The following MICAL3 variants were observed in gnomAD, a reference collection of about 807,000 sequenced individuals.
The protein encoded by MICAL3 is microtubule associated monooxygenase, calponin and LIM domain containing 3, also known as [F-actin]-monooxygenase MICAL3.
Under a neutral mutation model 207.4 loss-of-function variants are expected in MICAL3, and 62 were observed. The observed-to-expected ratio is 0.30, with a 90% CI of 0.24 to 0.37. MICAL3 has a LOEUF of 0.37. Among genes scored for constraint, MICAL3 ranks in the 10% least tolerant of loss-of-function variants. The pLI is 1.00. For synonymous variants in MICAL3, 1,077 were observed against 1,069.3 expected, an observed-to-expected ratio of 1.01 and a Z score of -0.14; for missense variants, 2,368 against 2,635.6, an observed-to-expected ratio of 0.90 and a Z score of 2.22.
chr22:17,832,251 G>A (rs770598691), intron 20 of MICAL3, 144 bp from the exon 21 acceptor site: 261 of 1,096,932 alleles, frequency 2.4e-4, no homozygotes, highest in Middle Eastern at 1.1e-3. Context: ...AGGAGAGAGC[G>A]GCATCAGCAG....
At position 17,893,901 on chromosome 22, in the gene MICAL3, G is replaced by A. The variant is rs377540344; in HGVS notation, c.1453C>T (p.Arg485Cys). Residue 485 changes from arginine (R) to cysteine (C), a missense_variant, in exon 11 of 32, where the codon CGC (arginine) becomes TGC (cysteine). Arg to Cys is a radical substitution (Grantham distance 180). Around this residue, in one of 4 missense-constraint regions of MICAL3, gnomAD observed 147 missense variants for 137.7 expected, o/e 1.07. Coordinates refer to ENST00000441493, the MANE Select transcript of MICAL3 (RefSeq NM_015241.3). ...NVNFLRPSQV[R>C]HLYDTGETKD... ...GTTTCGCCAGTATCATATAAATGGCGCACCTGGCAGAAATTTACAAAGTCA... is the reference window on the plus strand; with the variant it reads ...GTTTCGCCAGTATCATATAAATGGCACACCTGGCAGAAATTTACAAAGTCA... The A allele has an allele frequency of 2.4e-4, 368 of 1,551,272 alleles. 2 individuals are homozygous for A. Among genetic ancestry groups the A allele is most frequent in the Admixed American group, 1.1e-3 (55 of 51,372 alleles).
At chr22:17,904,018 G>T (rs1931529162) in intron 3 of MICAL3, among the ~76,000 whole-genome samples, 2 of 152,232 alleles carry the variant, frequency 1.3e-5, no homozygotes, top group African/African-American at 4.8e-5. Context: ...TAGGATCTCA[G>T]AAAAGCAAAG....
chr22:17,791,608 C>T, intron 29 of MICAL3: 1 of 397,046 alleles, frequency 2.5e-6, no homozygotes, highest in Non-Finnish European at 4.7e-6. Flanking sequence ...ACTTACATTG[C>T]TTTCCCTCTT....
chr22:17,993,315 T>TAGGTATAC (rs1442798193), intron 1 of MICAL3, among the ~76,000 whole-genome samples: 1 of 152,088 alleles, frequency 6.6e-6, no homozygotes, highest in East Asian at 1.9e-4. Flanking sequence ...GTTTGTTACA[T>TAGGTATAC]AGGTATACAT....
At chr22:17,850,584 G>C (rs1363204264) in intron 19 of MICAL3, among the ~76,000 whole-genome samples, 1 of 151,584 alleles carries the variant, frequency 6.6e-6, no homozygotes. Context: ...GCTAATTTTT[G>C]TATTTTTAGT....
chr22:17,816,837 C>G, intron 26 of MICAL3, 53 bp from the exon 27 acceptor site: 1 of 1,318,490 alleles, frequency 7.6e-7, no homozygotes, highest in South Asian at 1.3e-5. Flanking sequence ...AGGCGCAGCC[C>G]TCTCCTGCTC....
intron 1 of MICAL3, among the ~76,000 whole-genome samples, chr22:17,971,662 A>C (rs1366107349): frequency 6.6e-6 from 1 of 152,220 alleles, no homozygotes. Context: ...CCAGAGATGG[A>C]AGGACAGTGG....
At chr22:18,000,287 C>A (rs534751164) in intron 1 of MICAL3, among the ~76,000 whole-genome samples, 2 of 151,820 alleles carry the variant, frequency 1.3e-5, no homozygotes, top group South Asian at 2.1e-4. Context: ...CACAGTTGAC[C>A]TTCATTCCTC....
At chr22:17,831,716 A>G in intron 21 of MICAL3, 138 bp downstream of exon 21, 1 of 1,384,604 alleles carries the variant, frequency 7.2e-7, no homozygotes, top group African/African-American at 1.5e-5. Context: ...CCCATGTCTT[A>G]TGTCAGGAGG....
intron 2 of MICAL3, among the ~76,000 whole-genome samples, chr22:17,905,989 A>G (rs1320870433): frequency 2.0e-5 from 3 of 152,218 alleles, no homozygotes; most frequent in African/African-American, 7.2e-5. Flanking sequence ...CGCAAACAGT[A>G]TACCTTACCA....
chr22:17,797,249 C>T (rs911567479), intron 29 of MICAL3, among the ~76,000 whole-genome samples: 7 of 152,114 alleles, frequency 4.6e-5, no homozygotes, highest in African/African-American at 1.7e-4. Flanking sequence ...CACCTGTGAT[C>T]CCAGCACTTT....
chr22:17,821,690 G>A (rs192576602), intron 24 of MICAL3, among the ~76,000 whole-genome samples, 181 bp from the exon 25 acceptor site: 5 of 152,310 alleles, frequency 3.3e-5, no homozygotes, highest in African/African-American at 9.6e-5. Flanking sequence ...CCGTCTTCCC[G>A]GGGCTGCCCG....
chr22:17,829,359 G>A (rs542748106), intron 21 of MICAL3, among the ~76,000 whole-genome samples: 2 of 152,124 alleles, frequency 1.3e-5, no homozygotes, highest in African/African-American at 4.8e-5. Flanking sequence ...AGTAGAGACA[G>A]GGTTTCTCCA....
At chr22:17,969,380 G>A (rs985058900) in intron 1 of MICAL3, among the ~76,000 whole-genome samples, 4 of 152,214 alleles carry the variant, frequency 2.6e-5, no homozygotes, top group African/African-American at 9.7e-5. Flanking sequence ...TTTCTCTAAG[G>A]GACGAGAAAG....
At chr22:17,849,393 G>C (rs561829550) in intron 19 of MICAL3, among the ~76,000 whole-genome samples, 1 of 152,192 alleles carries the variant, frequency 6.6e-6, no homozygotes. Context: ...ACAGTGCACC[G>C]GTGCAATCAT....
chr22:17,875,368 G>A (rs1928181709), intron 16 of MICAL3: 2 of 837,404 alleles, frequency 2.4e-6, no homozygotes, highest in Non-Finnish European at 3.5e-6. Context: ...GCAGCCTCCT[G>A]GGGTACATGA....
At chr22:17,941,984 C>A (rs771474039) in intron 1 of MICAL3, among the ~76,000 whole-genome samples, 2 of 152,222 alleles carry the variant, frequency 1.3e-5, no homozygotes, top group African/African-American at 4.8e-5. Flanking sequence ...CTTACCTGCA[C>A]GTCAACCACC....
At chr22:17,896,101 T>C in intron 9 of MICAL3, 145 bp downstream of exon 9, 1 of 565,406 alleles carries the variant, frequency 1.8e-6, no homozygotes, top group South Asian at 2.7e-5. Context: ...AAATCCTATC[T>C]TGCCTTTCCT....
At chr22:18,021,000 G>A (rs1924438859) in intron 1 of MICAL3, among the ~76,000 whole-genome samples, 2 of 152,004 alleles carry the variant, frequency 1.3e-5, no homozygotes, top group African/African-American at 4.8e-5. Flanking sequence ...ATGACTCACT[G>A]ATGAGTCACA....
Sources: gnomAD v4.1 joint callset for allele counts (sites outside exome capture counted in the v4.1 genomes callset) on GRCh38, gnomAD v4.1.1 for gene constraint, gnomAD v4.1.1 regional missense constraint, MANE v1.5 for transcripts, NCBI Gene and HGNC (gene_info 2026-07-23, HGNC 2026-07-21) for gene names.